LRP1B: variants seen among roughly 807,000 people sequenced by gnomAD.
LRP1B encodes low-density lipoprotein receptor-related protein 1B.
Under a neutral mutation model 556.6 loss-of-function variants are expected in LRP1B, and 217 were observed. That is an observed-to-expected ratio of 0.39 (90% CI 0.35 to 0.44). The LOEUF is 0.44. Among genes scored for constraint, LRP1B ranks in the 20% least tolerant of loss-of-function variants. LRP1B has a pLI of 1.00. For synonymous variants in LRP1B, 2,047 were observed against 1,865.8 expected (o/e 1.10, Z -2.50); for missense variants, 5,053 against 5,620.8 (o/e 0.90, Z 3.23).
chr2:140,965,446 A>G (rs1243018760), intron 18 of LRP1B, among the ~76,000 whole-genome samples: 2 of 152,176 alleles, frequency 1.3e-5, no homozygotes, highest in Non-Finnish European at 2.9e-5. Context: ...AGTCAAAGTC[A>G]GCGGAAATTC....
intron 23 of LRP1B, among the ~76,000 whole-genome samples, chr2:140,900,757 G>C (rs1694080413): frequency 6.6e-6 from 1 of 151,824 alleles, no homozygotes; most frequent in African/African-American, 2.4e-5. Flanking sequence ...ATATAAAACA[G>C]CCATTTAAAA....
Position 141,464,606 on chromosome 2 carries a change from A to ATATATTT in LRP1B, c.343+15789_343+15790insAAATATA. On this transcript the variant is annotated intron_variant, in intron 3 of 90. Transcript: ENST00000389484. ...TTTGTATATATATATATATATATAT[A>ATATATTT]TTTTTTTAGTAGAGATGGGGTTTCA... 2.1e-4 allele frequency among the ~76,000 whole-genome samples: 19 copies of ATATATTT among 90,544 alleles called. 2 individuals are homozygous for ATATATTT. The highest frequency in any genetic ancestry group is 3.9e-4 in the African/African-American group (9 of 23,374). The allele number at this position is 90,544 out of a possible 152,430, so 59.4% of individuals were successfully genotyped here. A position where few individuals can be genotyped will look rare whatever the true frequency, so the allele number is the denominator to read the frequency against.
At chr2:142,058,978 G>C (rs1704790934) in intron 1 of LRP1B, among the ~76,000 whole-genome samples, 1 of 151,916 alleles carries the variant, frequency 6.6e-6, no homozygotes, top group African/African-American at 2.4e-5. Context: ...TGATTTATAG[G>C]GTTTGCCATA....
chr2:141,954,737 GA>G (rs1701202271), intron 1 of LRP1B, among the ~76,000 whole-genome samples: 2 of 151,930 alleles, frequency 1.3e-5, no homozygotes, highest in South Asian at 4.1e-4. Context: ...GCTCTTCCTA[GA>G]ATATACTGAT....
In LRP1B at chr2:140,333,323, A is replaced by G. The variant is rs200208401; in HGVS notation, c.12223+1130T>C. On this transcript the variant is annotated intron_variant, in intron 79 of 90. Coordinates refer to ENST00000389484, the MANE Select transcript of LRP1B (RefSeq NM_018557.3). ...GCTTTTCTGTATAGCATGTATAACA[A>G]TGTGACAGTATATATAAATACATAT... Among the ~76,000 whole-genome samples, 21 of 152,198 alleles carry G rather than the reference A, an allele frequency of 1.4e-4. No individual in the cohort carries two copies. The East Asian group carries it at 4.1e-3, about 30-fold the overall frequency.
At chr2:141,760,534 AAG>A (rs1440602044) in intron 2 of LRP1B, among the ~76,000 whole-genome samples, 1 of 152,346 alleles carries the variant, frequency 6.6e-6, no homozygotes, top group East Asian at 1.9e-4. Flanking sequence ...GTTATTTTAA[AAG>A]AGCATTGAGA....
chr2:141,565,573 A>T (rs538424037), intron 2 of LRP1B, among the ~76,000 whole-genome samples: 1 of 152,274 alleles, frequency 6.6e-6, no homozygotes, highest in South Asian at 2.1e-4. Flanking sequence ...ATCCTATCTT[A>T]CTCATATTTC....
At chr2:141,911,141 T>C (rs916799543) in intron 1 of LRP1B, among the ~76,000 whole-genome samples, 13 of 152,136 alleles carry the variant, frequency 8.5e-5, no homozygotes, top group Non-Finnish European at 1.8e-4. Flanking sequence ...TGTTTATATA[T>C]TTATGCTTAC....
intron 2 of LRP1B, among the ~76,000 whole-genome samples, chr2:141,528,158 G>A (rs1458071353): frequency 6.6e-6 from 1 of 151,610 alleles, no homozygotes; most frequent in East Asian, 2.0e-4. Context: ...CTTTGACTTA[G>A]AGATGAAACA....
At chr2:141,853,056 A>G (rs1267841158) in intron 1 of LRP1B, among the ~76,000 whole-genome samples, 1 of 151,804 alleles carries the variant, frequency 6.6e-6, no homozygotes, top group East Asian at 1.9e-4. Flanking sequence ...ACATGCATAT[A>G]TGATTCTCTT....
intron 3 of LRP1B, among the ~76,000 whole-genome samples, chr2:141,269,283 TA>T (rs1438913633): frequency 6.6e-6 from 1 of 151,888 alleles, no homozygotes; most frequent in Non-Finnish European, 1.5e-5. Flanking sequence ...CAGAAAAAAA[TA>T]GCTAAGAGGA....
At chr2:140,926,236 TA>T (rs1302675292) in intron 20 of LRP1B, among the ~76,000 whole-genome samples, 1 of 152,096 alleles carries the variant, frequency 6.6e-6, no homozygotes, top group Non-Finnish European at 1.5e-5. Context: ...GATTCTCTAA[TA>T]ATGCACATAC....
chr2:141,063,534 G>A (rs1483940945), intron 7 of LRP1B, among the ~76,000 whole-genome samples: 1 of 151,716 alleles, frequency 6.6e-6, no homozygotes, highest in East Asian at 1.9e-4. Context: ...GATCTTTCTA[G>A]TCTAGTGAAG....
At chr2:140,317,562 G>A (rs1684580599) in intron 82 of LRP1B, among the ~76,000 whole-genome samples, 1 of 152,112 alleles carries the variant, frequency 6.6e-6, no homozygotes, top group South Asian at 2.1e-4. Context: ...GGAATCTCCA[G>A]CAAATAATTG....
At chr2:140,593,651 T>C (rs1446588842) in intron 43 of LRP1B, among the ~76,000 whole-genome samples, 1 of 152,094 alleles carries the variant, frequency 6.6e-6, no homozygotes, top group Non-Finnish European at 1.5e-5. Flanking sequence ...TTTTTATCAA[T>C]GCAAGTCAAA....
chr2:140,962,418 TA>T lies in LRP1B; in HGVS notation c.2888-10479del, dbSNP rs751358068. Among the ~76,000 whole-genome samples the T allele has an allele frequency of 8.3e-4, 127 of 152,290 alleles. 1 individual carries two copies. Among genetic ancestry groups the T allele is most frequent in the Middle Eastern group, 3.4e-3 (1 of 294 alleles). ...GTGGACTCATATGAAAATAACATTG[TA>T]AAAAATATTTAGAGAATACATCAAT... On this transcript the variant is annotated intron_variant, in intron 18 of 90. Coordinates refer to ENST00000389484, the MANE Select transcript of LRP1B (RefSeq NM_018557.3).
At chr2:140,416,259 T>A (rs1229342559) in intron 66 of LRP1B, among the ~76,000 whole-genome samples, 1 of 152,132 alleles carries the variant, frequency 6.6e-6, no homozygotes, top group Non-Finnish European at 1.5e-5. Context: ...TAATGCCTGA[T>A]GATTTGAGGT....
chr2:140,247,476 T>C lies in LRP1B; in HGVS notation c.13248-314A>G, dbSNP rs998935107. Among the ~76,000 whole-genome samples, 3 of 151,624 alleles carry C rather than the reference T, an allele frequency of 2.0e-5. No individual in the cohort carries two copies. In the South Asian group the frequency reaches 6.2e-4, roughly 31 times the overall value. On this transcript the variant is annotated intron_variant, in intron 86 of 90. Transcript: ENST00000389484. ...GAATTGGAAATTGATTTGAGAGTTA[T>C]GGAAAATTACAAGTGGCCACTTACA...
intron 2 of LRP1B, among the ~76,000 whole-genome samples, chr2:141,544,364 CT>C (rs1244194583): frequency 9.6e-6 from 1 of 104,544 alleles, no homozygotes; most frequent in African/African-American, 3.3e-5. Context: ...TCTTCTTCTT[CT>C]TCTTCTTCTT....
Sources: gnomAD v4.1 joint callset for allele counts (sites outside exome capture counted in the v4.1 genomes callset) on GRCh38, gnomAD v4.1.1 for gene constraint, MANE v1.5 for transcripts, NCBI Gene and HGNC (gene_info 2026-07-23, HGNC 2026-07-21) for gene names.